The following TRMT11 variants were observed in gnomAD, a reference collection of about 807,000 sequenced individuals.
TRMT11 encodes tRNA methyltransferase 11.
TRMT11 carries 53 observed loss-of-function variants against 62.8 expected under a neutral mutation model. The ratio of observed to expected loss-of-function variants is 0.84; its 90% confidence interval spans 0.68 to 1.06. The LOEUF is 1.06. TRMT11 is among the 50% of genes least tolerant of loss of function. TRMT11 has a pLI of 0.00. For synonymous variants in TRMT11, 188 were observed against 190.3 expected (o/e 0.99, Z 0.10); for missense variants, 556 against 553.4 (o/e 1.00, Z -0.05).
the TRMT11 span, among the ~76,000 whole-genome samples, chr6:126,234,075 C>T: frequency 6.6e-6 from 1 of 152,046 alleles, no homozygotes; most frequent in Non-Finnish European, 1.5e-5. Context: ...TTTCAGGGAA[C>T]CTCTTCTTCC....
At chr6:126,254,110 C>T in the TRMT11 span, among the ~76,000 whole-genome samples, 1 of 152,196 alleles carries the variant, frequency 6.6e-6, no homozygotes, top group Admixed American at 6.5e-5. Context: ...CCACTGATAT[C>T]AGGGAAGCCA....
chr6:126,132,882 G>A (rs1777802242), intron 21 of TRMT11, among the ~76,000 whole-genome samples: 1 of 151,906 alleles, frequency 6.6e-6, no homozygotes, highest in Non-Finnish European at 1.5e-5. Context: ...TCTTTCAAAT[G>A]TTTTCTTTCA....
downstream of TRMT11, among the ~76,000 whole-genome samples, chr6:126,205,682 G>A (rs541921653): frequency 2.6e-5 from 4 of 152,078 alleles, no homozygotes; most frequent in East Asian, 3.9e-4. Context: ...CTTTCCTTGG[G>A]TGTAACAAAG....
chr6:126,267,891 AT>A, the TRMT11 span, among the ~76,000 whole-genome samples: 7 of 151,076 alleles, frequency 4.6e-5, no homozygotes, highest in South Asian at 2.1e-4. Flanking sequence ...TGCCATGACT[AT>A]TTTTTTTTCT....
intron 16 of TRMT11, among the ~76,000 whole-genome samples, chr6:126,044,502 T>C (rs1006448764): frequency 2.0e-4 from 30 of 152,300 alleles, no homozygotes; most frequent in Middle Eastern, 3.4e-3. Context: ...GCCTCCATTT[T>C]TCTACATACC....
chr6:126,134,566 C>T (rs143739719), intron 21 of TRMT11, among the ~76,000 whole-genome samples: 47 of 151,866 alleles, frequency 3.1e-4, no homozygotes, highest in African/African-American at 1.1e-3. Flanking sequence ...TTCAACACCC[C>T]GCTTTTGGCA....
chr6:126,031,259 T>G (rs1232029211), intron 12 of TRMT11, among the ~76,000 whole-genome samples: 1 of 152,168 alleles, frequency 6.6e-6, no homozygotes, highest in African/African-American at 2.4e-5. Context: ...ATTTTTACAT[T>G]CATATACTTT....
At chr6:126,260,089 C>G in the TRMT11 span, among the ~76,000 whole-genome samples, 1 of 152,076 alleles carries the variant, frequency 6.6e-6, no homozygotes, top group Non-Finnish European at 1.5e-5. Flanking sequence ...TAAGAACTTA[C>G]TCCTGCCATT....
chr6:126,049,283 T>G (rs1220133455), intron 16 of TRMT11, among the ~76,000 whole-genome samples: 1 of 152,234 alleles, frequency 6.6e-6, no homozygotes. Flanking sequence ...AGTTTGAGTC[T>G]CAGGCCAAGA....
intron 21 of TRMT11, among the ~76,000 whole-genome samples, chr6:126,163,377 C>A (rs1297418076): frequency 1.3e-5 from 2 of 152,164 alleles, no homozygotes; most frequent in Admixed American, 6.5e-5. Flanking sequence ...ATATGTTGAA[C>A]CAGCCTTGCA....
chr6:126,218,101 G>T, the TRMT11 span, among the ~76,000 whole-genome samples: 1 of 152,160 alleles, frequency 6.6e-6, no homozygotes, highest in Admixed American at 6.5e-5. Flanking sequence ...AACACGAGAT[G>T]AGTACTGCCA....
intron 2 of TRMT11, among the ~76,000 whole-genome samples, chr6:126,199,426 G>A (rs111864582): frequency 9.2e-5 from 14 of 152,234 alleles, no homozygotes; most frequent in Middle Eastern, 3.4e-3. Flanking sequence ...TGCTTTGGTC[G>A]AAGATTAGAT....
intron 1 of TRMT11, among the ~76,000 whole-genome samples, chr6:126,185,743 G>A (rs1304490412): frequency 6.6e-6 from 1 of 152,134 alleles, no homozygotes; most frequent in East Asian, 1.9e-4. Flanking sequence ...AAAGAAGAGA[G>A]GTTTAATTGA....
At chr6:126,214,264 A>C in the TRMT11 span, among the ~76,000 whole-genome samples, 3 of 152,054 alleles carry the variant, frequency 2.0e-5, no homozygotes, top group African/African-American at 7.2e-5. Flanking sequence ...TATGTTTGGA[A>C]GTATTCCCTC....
At chr6:126,208,904 A>G in the TRMT11 span, among the ~76,000 whole-genome samples, 4 of 152,250 alleles carry the variant, frequency 2.6e-5, no homozygotes, top group African/African-American at 9.6e-5. Flanking sequence ...ACTAATATAT[A>G]TAATTTACAA....
intron 17 of TRMT11, among the ~76,000 whole-genome samples, chr6:126,070,101 C>G (rs768412938): frequency 6.6e-6 from 1 of 152,190 alleles, no homozygotes; most frequent in African/African-American, 2.4e-5. Context: ...CTTTCCTTTT[C>G]TGATTTCTCT....
intron 12 of TRMT11, among the ~76,000 whole-genome samples, chr6:126,037,894 C>T (rs1562298244): frequency 6.6e-6 from 1 of 151,984 alleles, no homozygotes; most frequent in African/African-American, 2.4e-5. Context: ...TTTAAGTCTC[C>T]ATACCTGTCC....
chr6:126,013,529 G>A (rs957121436), intron 11 of TRMT11, among the ~76,000 whole-genome samples: 1 of 152,188 alleles, frequency 6.6e-6, no homozygotes, highest in African/African-American at 2.4e-5. Context: ...CTGAAGTGTT[G>A]TGATTATAAG....
chr6:126,144,164 G>T (rs1001879936), intron 21 of TRMT11, among the ~76,000 whole-genome samples: 1 of 152,142 alleles, frequency 6.6e-6, no homozygotes, highest in Non-Finnish European at 1.5e-5. Context: ...TTGGCCAATT[G>T]TTCCGTTTTG....
Sources: gnomAD v4.1 joint callset for allele counts (sites outside exome capture counted in the v4.1 genomes callset) on GRCh38, gnomAD v4.1.1 for gene constraint, MANE v1.5 for transcripts, NCBI Gene and HGNC (gene_info 2026-07-23, HGNC 2026-07-21) for gene names.